UGGT2: variants seen among roughly 807,000 people sequenced by gnomAD.
The protein encoded by UGGT2 is UDP-glucose glycoprotein glucosyltransferase 2.
In UGGT2, 180 loss-of-function variants were observed where a neutral mutation model predicts 192.1. The observed-to-expected ratio is 0.94, with a 90% CI of 0.83 to 1.06. UGGT2 has a LOEUF of 1.06. Ranked by LOEUF, UGGT2 falls within the 50% of genes least tolerant of loss-of-function variation. UGGT2 has a pLI of 0.00. For synonymous variants in UGGT2, 580 were observed against 591.0 expected (o/e 0.98, Z 0.27); for missense variants, 1,849 against 1,795.7 (o/e 1.03, Z -0.54).
chr13:96,043,185 C>A (rs1168160345), intron 1 of UGGT2, among the ~76,000 whole-genome samples: 1 of 152,204 alleles, frequency 6.6e-6, no homozygotes, highest in Non-Finnish European at 1.5e-5. Flanking sequence ...AGAAACCCTA[C>A]AAGCTAGAAG....
chr13:96,053,313 G>T lies in UGGT2; in HGVS notation c.-1C>A. On this transcript the variant is annotated 5_prime_UTR_variant, in exon 1 of 39. Coordinates refer to ENST00000376747, the MANE Select transcript of UGGT2 (RefSeq NM_020121.4). ...CGTTCGTGGCTTTCGCTGGCGCCAT[G>T]GCACGGAGAGAAAAGCGCGAGTCCC... 1 of 1,580,280 alleles carries T rather than the reference G, an allele frequency of 6.3e-7. No homozygotes were observed. Among genetic ancestry groups the T allele is most frequent in the South Asian group, 1.1e-5 (1 of 87,756 alleles).
chr13:96,048,412 A>C (rs930951797), intron 1 of UGGT2, among the ~76,000 whole-genome samples: 2 of 152,120 alleles, frequency 1.3e-5, no homozygotes, highest in Non-Finnish European at 2.9e-5. Flanking sequence ...CCCTAACATC[A>C]AATTAAAAGA....
intron 36 of UGGT2, among the ~76,000 whole-genome samples, chr13:95,839,571 A>G (rs1476083840): frequency 2.6e-5 from 4 of 152,158 alleles, no homozygotes; most frequent in Non-Finnish European, 5.9e-5. Flanking sequence ...TCCATTTTCC[A>G]GCTGTTATAA....
At chr13:95,833,569 A>G (rs1390718717) in intron 37 of UGGT2, among the ~76,000 whole-genome samples, 1 of 152,334 alleles carries the variant, frequency 6.6e-6, no homozygotes, top group East Asian at 1.9e-4. Flanking sequence ...GGTTCCATCA[A>G]TACACAATCA....
chr13:96,028,116 C>T (rs370059174), intron 2 of UGGT2, among the ~76,000 whole-genome samples: 2 of 152,212 alleles, frequency 1.3e-5, no homozygotes, highest in South Asian at 2.1e-4. Flanking sequence ...CTTAAATTAC[C>T]GTTTTTCATA....
chr13:95,920,501 GA>G (rs562921144), intron 20 of UGGT2, among the ~76,000 whole-genome samples: 2 of 150,986 alleles, frequency 1.3e-5, no homozygotes, highest in African/African-American at 2.4e-5. Context: ...AAATTTACAA[GA>G]AAAAAACAAA....
intron 21 of UGGT2, among the ~76,000 whole-genome samples, chr13:95,902,081 C>A (rs2048119593): frequency 6.6e-6 from 1 of 152,150 alleles, no homozygotes; most frequent in African/African-American, 2.4e-5. Context: ...TCTGCTGAGT[C>A]TGCAACTGGA....
At chr13:95,866,687 T>G (rs1020052774) in intron 30 of UGGT2, among the ~76,000 whole-genome samples, 3 of 152,098 alleles carry the variant, frequency 2.0e-5, no homozygotes, top group Non-Finnish European at 4.4e-5. Context: ...GGTTCTAATT[T>G]TTGTCCCCTA....
At chr13:95,828,846 G>C (rs940790211) in intron 38 of UGGT2, among the ~76,000 whole-genome samples, 8 of 152,076 alleles carry the variant, frequency 5.3e-5, no homozygotes, top group African/African-American at 1.9e-4. Context: ...TGATACCAAA[G>C]ACTGGGAGAG....
At chr13:95,906,267 C>T (rs1594286806) in intron 20 of UGGT2, among the ~76,000 whole-genome samples, 3 of 152,182 alleles carry the variant, frequency 2.0e-5, no homozygotes, top group Admixed American at 2.0e-4. Flanking sequence ...TGTTGCAGCT[C>T]TTAGAAATAT....
intron 38 of UGGT2, among the ~76,000 whole-genome samples, chr13:95,802,669 CA>C (rs1012266376): frequency 1.1e-4 from 16 of 152,158 alleles, no homozygotes; most frequent in African/African-American, 3.9e-4. Flanking sequence ...GAGGCTATAA[CA>C]AACGCCAGTG....
At chr13:95,841,704 A>T (rs1382740110) in intron 36 of UGGT2, among the ~76,000 whole-genome samples, 2 of 152,080 alleles carry the variant, frequency 1.3e-5, no homozygotes, top group African/African-American at 4.8e-5. Flanking sequence ...TTTGATGCTA[A>T]TTTATCTTTT....
At chr13:95,964,581 T>C (rs190860496) in intron 12 of UGGT2, among the ~76,000 whole-genome samples, 28 of 152,198 alleles carry the variant, frequency 1.8e-4, no homozygotes, top group Non-Finnish European at 2.9e-4. Context: ...ATTAAGAATA[T>C]ACAAGGAAGT....
chr13:95,858,469 T>G (rs1391936641), intron 33 of UGGT2, among the ~76,000 whole-genome samples: 1 of 152,044 alleles, frequency 6.6e-6, no homozygotes, highest in Non-Finnish European at 1.5e-5. Flanking sequence ...CAATAAAAAC[T>G]CTGTACCACA....
intron 4 of UGGT2, among the ~76,000 whole-genome samples, chr13:96,016,782 AG>A (rs1020485462): frequency 1.4e-4 from 22 of 152,222 alleles, no homozygotes; most frequent in Admixed American, 4.6e-4. Context: ...GAGCTAGTGG[AG>A]GGGGGGCTGC....
chr13:95,931,683 G>A (rs1045477475), intron 17 of UGGT2, among the ~76,000 whole-genome samples: 8 of 152,080 alleles, frequency 5.3e-5, no homozygotes, highest in East Asian at 1.9e-4. Flanking sequence ...CTGCTGGCCC[G>A]GGTGCTACGC....
intron 22 of UGGT2, among the ~76,000 whole-genome samples, chr13:95,898,147 T>C (rs991507847): frequency 1.3e-5 from 2 of 152,152 alleles, no homozygotes; most frequent in African/African-American, 4.8e-5. Flanking sequence ...TCATCTCTCA[T>C]CTGGACTACT....
At chr13:95,914,926 CTAATT>C (rs61290217) in intron 20 of UGGT2, among the ~76,000 whole-genome samples, 54,062 of 151,716 alleles carry the variant, frequency 0.36, 9,963 homozygotes, top group Middle Eastern at 0.41. Context: ...ACATCACACA[CTAATT>C]TAAATGATGT....
intron 12 of UGGT2, among the ~76,000 whole-genome samples, chr13:95,960,745 G>A (rs887048471): frequency 6.6e-6 from 1 of 152,118 alleles, no homozygotes; most frequent in Non-Finnish European, 1.5e-5. Flanking sequence ...GCAAATTATA[G>A]TCAAACTGTC....
Sources: gnomAD v4.1 joint callset for allele counts (sites outside exome capture counted in the v4.1 genomes callset) on GRCh38, gnomAD v4.1.1 for gene constraint, MANE v1.5 for transcripts, NCBI Gene and HGNC (gene_info 2026-07-23, HGNC 2026-07-21) for gene names.